The following SPATA16 variants were observed in gnomAD, a reference collection of about 807,000 sequenced individuals.
SPATA16 encodes spermatogenesis associated 16, also known as spermatogenesis-associated protein 16.
Under a neutral mutation model 63.3 loss-of-function variants are expected in SPATA16, and 36 were observed. The observed-to-expected ratio is 0.57, with a 90% CI of 0.44 to 0.75. The LOEUF is 0.75. SPATA16 is among the 30% of genes least tolerant of loss of function. The pLI, the probability that SPATA16 is intolerant of heterozygous loss-of-function variation, is 0.00. For missense variants in SPATA16, 646 were observed against 679.3 expected (o/e 0.95, Z 0.54); for synonymous variants, 203 against 216.7 (o/e 0.94, Z 0.56).
At chr3:173,058,675 T>A (rs1458466609) in intron 2 of SPATA16, among the ~76,000 whole-genome samples, 5 of 152,126 alleles carry the variant, frequency 3.3e-5, no homozygotes, top group Non-Finnish European at 1.5e-5. Flanking sequence ...TTATCGGCCA[T>A]GGGTATGGGT....
intron 6 of SPATA16, among the ~76,000 whole-genome samples, chr3:172,948,450 T>C (rs1310477551): frequency 2.0e-5 from 3 of 152,034 alleles, no homozygotes; most frequent in African/African-American, 7.2e-5. Context: ...GGATTACTTT[T>C]TCTCTTTTTT....
intron 9 of SPATA16, 97 bp downstream of exon 9, chr3:172,916,220 A>G (rs1232556630): frequency 1.4e-5 from 21 of 1,457,570 alleles, no homozygotes; most frequent in Non-Finnish European, 2.0e-5. Context: ...GGCTACATTT[A>G]TTACCACAGG....
intron 5 of SPATA16, among the ~76,000 whole-genome samples, chr3:172,967,137 C>A (rs768040418): frequency 1.4e-4 from 22 of 152,132 alleles, no homozygotes; most frequent in Non-Finnish European, 2.4e-4. Context: ...ATATCTAGAC[C>A]TAAATTTGTT....
At chr3:172,977,682 T>C (rs1325457109) in intron 4 of SPATA16, among the ~76,000 whole-genome samples, 1 of 152,172 alleles carries the variant, frequency 6.6e-6, no homozygotes, top group Non-Finnish European at 1.5e-5. Context: ...ATTCATTACT[T>C]AGTACCCTTT....
intron 3 of SPATA16, among the ~76,000 whole-genome samples, chr3:173,038,528 C>T (rs1735767309): frequency 6.6e-6 from 1 of 151,974 alleles, no homozygotes; most frequent in East Asian, 1.9e-4. Flanking sequence ...CCTAGAATTT[C>T]TCAGTTTTAG....
chr3:173,048,204 A>C (rs1460181958), intron 3 of SPATA16, among the ~76,000 whole-genome samples: 1 of 152,140 alleles, frequency 6.6e-6, no homozygotes, highest in Non-Finnish European at 1.5e-5. Context: ...AAATTGCTCA[A>C]AGTCAGGCAG....
intron 8 of SPATA16, among the ~76,000 whole-genome samples, chr3:172,917,304 C>G (rs1284890387): frequency 6.6e-6 from 1 of 152,166 alleles, no homozygotes; most frequent in Non-Finnish European, 1.5e-5. Context: ...TTAAGTTTAT[C>G]TTTAAGAAAA....
In SPATA16 at chr3:173,049,047, A is replaced by G. The variant is rs76877504; in HGVS notation, c.660T>C (p.Ala220=). 1 of 1,613,804 alleles carries G rather than the reference A, an allele frequency of 6.2e-7. No homozygotes were observed. Among genetic ancestry groups the G allele is most frequent in the East Asian group, 2.2e-5 (1 of 44,856 alleles). The change falls in exon 3 of 11, where the codon GCT becomes GCC. Residue 220 remains alanine, a synonymous_variant. Transcript: ENST00000351008. ...AVLGEPFDAP[A]EDIASVASFI... ...AACTTGCCACGCTTGCTATATCTTC[A>G]GCAGGTGCATCAAATGGTTCTCCCA...
intron 10 of SPATA16, among the ~76,000 whole-genome samples, chr3:172,910,621 G>A (rs1732349688): frequency 6.6e-6 from 1 of 151,800 alleles, no homozygotes; most frequent in African/African-American, 2.4e-5. Flanking sequence ...ATAGCCAACA[G>A]AGATATGTGA....
At chr3:172,933,082 C>A (rs1209566867) in intron 6 of SPATA16, among the ~76,000 whole-genome samples, 1 of 152,094 alleles carries the variant, frequency 6.6e-6, no homozygotes, top group African/African-American at 2.4e-5. Flanking sequence ...TTATTCTGGG[C>A]TTTATTACAC....
At chr3:173,040,302 T>C (rs1377910968) in intron 3 of SPATA16, among the ~76,000 whole-genome samples, 1 of 152,182 alleles carries the variant, frequency 6.6e-6, no homozygotes, top group Admixed American at 6.6e-5. Flanking sequence ...ATCTTCATTA[T>C]CATTTTTCTT....
chr3:172,993,817 A>G (rs1734637105), intron 4 of SPATA16, among the ~76,000 whole-genome samples: 3 of 151,936 alleles, frequency 2.0e-5, no homozygotes, highest in Non-Finnish European at 4.4e-5. Flanking sequence ...GTTCTGCTCT[A>G]TTCTTGTCTG....
intron 4 of SPATA16, among the ~76,000 whole-genome samples, chr3:173,003,500 C>T (rs1041893807): frequency 2.6e-5 from 4 of 152,110 alleles, no homozygotes; most frequent in African/African-American, 4.8e-5. Context: ...GTGTAATCTT[C>T]GACAAGTCAT....
chr3:173,125,429 C>T (rs1319835350), intron 1 of SPATA16, among the ~76,000 whole-genome samples: 1 of 152,204 alleles, frequency 6.6e-6, no homozygotes, highest in Non-Finnish European at 1.5e-5. Flanking sequence ...CTGCCCATAA[C>T]ACCTAGAATC....
intron 2 of SPATA16, among the ~76,000 whole-genome samples, chr3:173,076,810 T>C (rs991206005): frequency 1.3e-5 from 2 of 152,116 alleles, no homozygotes; most frequent in East Asian, 1.9e-4. Flanking sequence ...ACCCTAAAGT[T>C]AATGGAAGGA....
intron 4 of SPATA16, among the ~76,000 whole-genome samples, chr3:173,011,464 A>C (rs1192486655): frequency 1.3e-5 from 2 of 152,192 alleles, no homozygotes; most frequent in East Asian, 3.9e-4. Flanking sequence ...CATACTTATG[A>C]GATCAGGTGC....
At chr3:173,081,114 A>G (rs1736912850) in intron 2 of SPATA16, among the ~76,000 whole-genome samples, 1 of 152,194 alleles carries the variant, frequency 6.6e-6, no homozygotes, top group Admixed American at 6.5e-5. Flanking sequence ...TCAAAATCTT[A>G]TCTGTAGATT....
At chr3:172,933,109 T>G (rs527529580) in intron 6 of SPATA16, among the ~76,000 whole-genome samples, 1 of 152,364 alleles carries the variant, frequency 6.6e-6, no homozygotes, top group South Asian at 2.1e-4. Context: ...TCCTTGATCC[T>G]ACTTTTATCA....
intron 1 of SPATA16, among the ~76,000 whole-genome samples, chr3:173,137,884 C>T (rs1156668843): frequency 6.7e-6 from 1 of 149,230 alleles, no homozygotes; most frequent in Non-Finnish European, 1.5e-5. Context: ...GACACACACA[C>T]GTCTCCCTAA....
Sources: gnomAD v4.1 joint callset for allele counts (sites outside exome capture counted in the v4.1 genomes callset) on GRCh38, gnomAD v4.1.1 for gene constraint, MANE v1.5 for transcripts, NCBI Gene and HGNC (gene_info 2026-07-23, HGNC 2026-07-21) for gene names.